Variants in MS4A5 observed in about 807,000 individuals in gnomAD.
The protein encoded by MS4A5 is membrane spanning 4-domains A5.
A neutral mutation model predicts 18.2 loss-of-function variants in MS4A5; 15 were observed. That is an observed-to-expected ratio of 0.83 (90% confidence interval 0.55 to 1.27). The LOEUF is 1.27. Ranked by LOEUF, MS4A5 falls within the 50% of genes most tolerant of loss-of-function variation. The pLI, the probability that MS4A5 is intolerant of heterozygous loss-of-function variation, is 0.00. For synonymous variants in MS4A5, 89 were observed against 78.7 expected, an observed-to-expected ratio of 1.13 and a Z score of -0.69; for missense variants, 232 against 225.7, an observed-to-expected ratio of 1.03 and a Z score of -0.18.
chr11:60,433,621 A>C, intron 3 of MS4A5, 144 bp from the exon 4 acceptor site: 1 of 707,156 alleles, frequency 1.4e-6, no homozygotes, highest in Non-Finnish European at 2.4e-6. Flanking sequence ...AAAGATGTGA[A>C]GCAATTCGCA....
chr11:60,440,282 G>C (rs61898331), intron 4 of MS4A5, among the ~76,000 whole-genome samples: 70,884 of 102,670 alleles, frequency 0.69, 24,556 homozygotes, highest in Middle Eastern at 0.81. Flanking sequence ...AATTCAAGAT[G>C]GATTAAAGAC....
At chr11:60,430,295 TG>T (rs1215623460) in intron 1 of MS4A5, among the ~76,000 whole-genome samples, 6 of 151,712 alleles carry the variant, frequency 4.0e-5, no homozygotes, top group Non-Finnish European at 7.4e-5. Flanking sequence ...GAGAGTCCTC[TG>T]GGCCTGAGAG....
intron 4 of MS4A5, chr11:60,435,540 G>A: frequency 2.7e-6 from 1 of 370,090 alleles, no homozygotes; most frequent in Non-Finnish European, 5.2e-6. Context: ...TCACTAGGGA[G>A]TGCCAGACAG....
At chr11:60,431,003 G>T (rs2086045955) in intron 2 of MS4A5, 79 bp downstream of exon 2, 1 of 1,502,234 alleles carries the variant, frequency 6.7e-7, no homozygotes, top group South Asian at 1.3e-5. Context: ...AAATAAGCTA[G>T]ATCCAGTTGT....
At chr11:60,444,630 T>A (rs1024072079) in intron 4 of MS4A5, among the ~76,000 whole-genome samples, 1 of 152,130 alleles carries the variant, frequency 6.6e-6, no homozygotes, top group African/African-American at 2.4e-5. Flanking sequence ...CAAAGAAAGA[T>A]AGATAAATGG....
intron 1 of MS4A5, 75 bp from the exon 2 acceptor site, chr11:60,430,721 A>C (rs1352617593): frequency 6.4e-7 from 1 of 1,552,348 alleles, no homozygotes; most frequent in East Asian, 2.3e-5. Flanking sequence ...CCTTTTGACC[A>C]AAAGAAGATA....
At chr11:60,438,079 G>C (rs957244556) in intron 4 of MS4A5, among the ~76,000 whole-genome samples, 1 of 151,968 alleles carries the variant, frequency 6.6e-6, no homozygotes, top group African/African-American at 2.4e-5. Flanking sequence ...CTATCTCTCA[G>C]ACCACAGTGC....
In MS4A5 at chr11:60,430,816, A is replaced by C. The variant is rs1378756876; in HGVS notation, c.174A>C (p.Gly58=). Residue 58 remains glycine, a synonymous_variant, in exon 2 of 5, where the codon GGA becomes GGC. Coordinates refer to ENST00000300190, the MANE Select transcript of MS4A5 (RefSeq NM_023945.3). The part of the protein sequence containing the change: ...KILGTIQILF[G]IMTFSFGVIF... ...TGCAGACTATCCAGATCCTGTTTGG[A>C]ATTATGACCTTTTCTTTTGGAGTTA... The C allele has an allele frequency of 1.2e-6, 2 of 1,612,962 alleles. No homozygotes were observed. The highest frequency in any genetic ancestry group is 1.7e-6 in the Non-Finnish European group (2 of 1,179,880).
intron 4 of MS4A5, among the ~76,000 whole-genome samples, chr11:60,436,599 C>G (rs2086081994): frequency 7.5e-6 from 1 of 133,884 alleles, no homozygotes; most frequent in African/African-American, 2.5e-5. Context: ...AGCTGAAAAC[C>G]AAGGCTCGAG....
intron 4 of MS4A5, among the ~76,000 whole-genome samples, chr11:60,440,123 A>G (rs867055130): frequency 2.2e-5 from 2 of 89,100 alleles, no homozygotes; most frequent in Non-Finnish European, 2.4e-5. Context: ...ATAACGCCGC[A>G]TATCTACAAC....
Position 60,429,593 on chromosome 11 carries a change from C to A in MS4A5, c.-82C>A. The A allele has an allele frequency of 2.0e-5, 26 of 1,323,794 alleles. No homozygotes were observed. The highest frequency in any genetic ancestry group is 2.6e-5 in the Non-Finnish European group (25 of 968,018). 82.0% of individuals were successfully genotyped at this position (1,323,794 alleles called of 1,614,324 possible). A position where few individuals can be genotyped will look rare whatever the true frequency, so the allele number is the denominator to read the frequency against. On this transcript the variant is annotated 5_prime_UTR_variant, in exon 1 of 5. Coordinates refer to ENST00000300190, the MANE Select transcript of MS4A5 (RefSeq NM_023945.3). ...AAGCAAACAATTCCAGTGCTCCAGGCAGCCTCAGCACAAGAAAAGAACATG... is the reference window on the plus strand; with the variant it reads ...AAGCAAACAATTCCAGTGCTCCAGGAAGCCTCAGCACAAGAAAAGAACATG...
intron 4 of MS4A5, among the ~76,000 whole-genome samples, chr11:60,444,583 A>T (rs1555013803): frequency 6.6e-6 from 1 of 152,232 alleles, no homozygotes; most frequent in Non-Finnish European, 1.5e-5. Context: ...AATAATAAAA[A>T]GGCCAAAAAA....
At chr11:60,435,325 C>CAA (rs11377519) in intron 4 of MS4A5, 20,972 of 382,674 alleles carry the variant, frequency 0.055, 636 homozygotes, top group East Asian at 0.28. Flanking sequence ...CAGAACATAG[C>CAA]AAAAAAAAAA....
At chr11:60,438,652 G>T (rs200246863) in intron 4 of MS4A5, among the ~76,000 whole-genome samples, 1 of 151,812 alleles carries the variant, frequency 6.6e-6, no homozygotes, top group East Asian at 1.9e-4. Context: ...ACACCTCTAC[G>T]CAAATAAACT....
intron 4 of MS4A5, among the ~76,000 whole-genome samples, chr11:60,436,146 C>T (rs1021209605): frequency 6.6e-6 from 1 of 151,890 alleles, no homozygotes. Context: ...AACTGGGAGG[C>T]ACCCCCCAGC....
At position 60,436,946 on chromosome 11, in the gene MS4A5, A is replaced by C. The variant is rs1245222328; in HGVS notation, c.492+3029A>C. Reference sequence around the variant, plus strand: ...ACGCCACAAAGATACTCCTCGAGAAAAGCAACTCCAAGACACATAATTGTG... The same window carrying C: ...ACGCCACAAAGATACTCCTCGAGAACAGCAACTCCAAGACACATAATTGTG... On this transcript the variant is annotated intron_variant, in intron 4 of 4. Coordinates refer to ENST00000300190, the MANE Select transcript of MS4A5 (RefSeq NM_023945.3). 4.0e-5 allele frequency among the ~76,000 whole-genome samples: 5 copies of C among 125,318 alleles called. 2 individuals are homozygous for C. The highest frequency in any genetic ancestry group is 1.9e-4 in the Admixed American group (2 of 10,788). 82.2% of individuals were successfully genotyped at this position (125,318 alleles called of 152,430 possible). A position where few individuals can be genotyped will look rare whatever the true frequency, so the allele number is the denominator to read the frequency against.
intron 4 of MS4A5, among the ~76,000 whole-genome samples, chr11:60,442,285 A>C (rs1249642262): frequency 6.6e-6 from 1 of 152,254 alleles, no homozygotes; most frequent in African/African-American, 2.4e-5. Context: ...TAACAAAGGC[A>C]TTACCTCCCA....
chr11:60,446,762 C>CA (rs1006816137), intron 4 of MS4A5, among the ~76,000 whole-genome samples: 13 of 151,278 alleles, frequency 8.6e-5, no homozygotes, highest in Middle Eastern at 3.4e-3. Context: ...AAAAAGAAAC[C>CA]AAAAAAACGG....
At chr11:60,446,762 CA>C (rs1006816137) in intron 4 of MS4A5, among the ~76,000 whole-genome samples, 1 of 151,190 alleles carries the variant, frequency 6.6e-6, no homozygotes, top group Non-Finnish European at 1.5e-5. Flanking sequence ...AAAAAGAAAC[CA>C]AAAAAACGGT....
Sources: allele counts gnomAD v4.1 joint callset (sites outside exome capture counted in the v4.1 genomes callset), GRCh38; gene constraint gnomAD v4.1.1; transcripts MANE v1.5; gene names NCBI Gene and HGNC (gene_info 2026-07-23, HGNC 2026-07-21).